Variants in ZNF710 observed in about 807,000 individuals in gnomAD.
ZNF710 encodes the protein zinc finger protein 710.
A neutral mutation model predicts 50.6 loss-of-function variants in ZNF710; 13 were observed. That is an observed-to-expected ratio of 0.26 (90% CI 0.17 to 0.41). ZNF710 has a LOEUF of 0.41. Ranked by LOEUF, ZNF710 falls within the 10% of genes least tolerant of loss-of-function variation. The pLI is 1.00. For missense variants in ZNF710, 721 were observed against 936.6 expected (o/e 0.77, Z 3.01); for synonymous variants, 383 against 397.0 (o/e 0.96, Z 0.42).
intron 1 of ZNF710, among the ~76,000 whole-genome samples, chr15:90,042,368 AG>A (rs1899324261): frequency 6.8e-6 from 1 of 147,938 alleles, no homozygotes; most frequent in Admixed American, 6.8e-5. Flanking sequence ...CCCTCCAGGC[AG>A]CATTAGGTTG....
chr15:90,037,455 G>C (rs1265992616), intron 1 of ZNF710, among the ~76,000 whole-genome samples: 1 of 152,204 alleles, frequency 6.6e-6, no homozygotes, highest in African/African-American at 2.4e-5. Flanking sequence ...CTGGACAGAA[G>C]GAACTAGGGG....
chr15:89,998,904 T>C (rs1383167979), upstream of ZNF710, among the ~76,000 whole-genome samples: 2 of 152,226 alleles, frequency 1.3e-5, no homozygotes, highest in African/African-American at 4.8e-5. Context: ...ACTGAAGTTA[T>C]GTTATTCATT....
rs755310289 is a variant in ZNF710 at position 90,074,099 on chromosome 15, G to C, written c.1651-17G>C. 3 of 1,605,684 alleles carry C rather than the reference G, an allele frequency of 1.9e-6. No individual in the cohort carries two copies. Among genetic ancestry groups the C allele is most frequent in the African/African-American group, 2.7e-5 (2 of 74,530 alleles). On this transcript the variant is annotated splice_polypyrimidine_tract_variant and intron_variant, in intron 3 of 4. Transcript: ENST00000268154. The stretch of plus-strand genomic sequence containing the variant: ...AGGTTCCCCACAGGCTCAGGACACC[G>C]GGTTGATGTGTTCTAGGTGTGCGGG...
intron 1 of ZNF710, among the ~76,000 whole-genome samples, chr15:90,038,192 T>C (rs1899187678): frequency 6.6e-6 from 1 of 151,978 alleles, no homozygotes; most frequent in African/African-American, 2.4e-5. Context: ...AGCAGGCCCC[T>C]CTCTCTATCA....
At chr15:90,026,885 A>G (rs1364968430) in intron 1 of ZNF710, among the ~76,000 whole-genome samples, 3 of 152,198 alleles carry the variant, frequency 2.0e-5, no homozygotes, top group Non-Finnish European at 4.4e-5. Context: ...TAGCATAATA[A>G]AAAATATTTC....
rs1275061826 is a variant in ZNF710, at chr15:90,061,181, G to GT, written c.-28-5923dup. Reference sequence around the variant, plus strand: ...TTATTTCTATACTTTTTTTTGTTTTGTTTTTTGAGACAGGGTTTCACGCCT... The same window carrying GT: ...TTATTTCTATACTTTTTTTTGTTTTGTTTTTTTGAGACAGGGTTTCACGCCT... On this transcript the variant is annotated intron_variant, in intron 1 of 4. Transcript: ENST00000268154. Among the ~76,000 whole-genome samples the GT allele has an allele frequency of 2.6e-5, 4 of 151,664 alleles. No individual in the cohort carries two copies. In the South Asian group the frequency reaches 8.3e-4, roughly 32 times the overall value.
chr15:90,013,725 C>T (rs770411423), intron 1 of ZNF710, among the ~76,000 whole-genome samples: 2 of 152,154 alleles, frequency 1.3e-5, no homozygotes, highest in African/African-American at 2.4e-5. Flanking sequence ...GTCCCATTGT[C>T]GCTATATTGC....
At chr15:90,064,628 C>T (rs1176061767) in intron 1 of ZNF710, among the ~76,000 whole-genome samples, 1 of 152,206 alleles carries the variant, frequency 6.6e-6, no homozygotes, top group East Asian at 1.9e-4. Context: ...GCTGGGATTA[C>T]AGGCACCCAC....
At chr15:90,046,001 C>A (rs1338121643) in intron 1 of ZNF710, among the ~76,000 whole-genome samples, 2 of 152,170 alleles carry the variant, frequency 1.3e-5, no homozygotes, top group African/African-American at 4.8e-5. Context: ...CACTCTGGGT[C>A]CCCCAGGGCC....
upstream of ZNF710, among the ~76,000 whole-genome samples, chr15:90,000,900 G>A (rs766512701): frequency 6.6e-6 from 1 of 152,018 alleles, no homozygotes; most frequent in African/African-American, 2.4e-5. Context: ...CCTTTGTACC[G>A]GACAGGGCCG....
chr15:90,029,482 A>G (rs1311684370), intron 1 of ZNF710, among the ~76,000 whole-genome samples: 3 of 152,240 alleles, frequency 2.0e-5, no homozygotes, highest in Admixed American at 1.3e-4. Context: ...AAACTTGATA[A>G]TAGACCAAGC....
chr15:90,071,612 A>T (rs1170902239), intron 2 of ZNF710, among the ~76,000 whole-genome samples: 2 of 151,902 alleles, frequency 1.3e-5, no homozygotes, highest in African/African-American at 4.8e-5. Context: ...CTACTAAATT[A>T]CTAACTCATC....
At chr15:90,063,684 G>A (rs898742027) in intron 1 of ZNF710, among the ~76,000 whole-genome samples, 6 of 152,186 alleles carry the variant, frequency 3.9e-5, no homozygotes, top group African/African-American at 1.4e-4. Context: ...GGGGCCCGGT[G>A]TGGACGGTCA....
intron 1 of ZNF710, among the ~76,000 whole-genome samples, chr15:90,028,286 T>A (rs1898836513): frequency 6.6e-6 from 1 of 152,194 alleles, no homozygotes; most frequent in Non-Finnish European, 1.5e-5. Flanking sequence ...CACACATCAT[T>A]TCTCCCTTCA....
At chr15:90,039,919 A>G (rs866830372) in intron 1 of ZNF710, among the ~76,000 whole-genome samples, 6 of 151,648 alleles carry the variant, frequency 4.0e-5, no homozygotes, top group South Asian at 2.1e-4. Flanking sequence ...CATCTGTTTC[A>G]TTCTGGACTC....
intron 4 of ZNF710, chr15:90,074,554 G>C: frequency 7.1e-7 from 1 of 1,399,288 alleles, no homozygotes; most frequent in South Asian, 1.2e-5. Context: ...CTAACTGTGT[G>C]CCAGGCCTTT....
intron 1 of ZNF710, among the ~76,000 whole-genome samples, chr15:90,047,583 CTTTTTTCTT>C (rs1567233035): frequency 8.8e-6 from 1 of 114,208 alleles, no homozygotes; most frequent in African/African-American, 5.5e-5. Flanking sequence ...TTTTCTTTTT[CTTTTTTCTT>C]TTTTTTTTTT....
At chr15:90,072,341 A>G (rs182472825) in intron 2 of ZNF710, among the ~76,000 whole-genome samples, 137 of 152,328 alleles carry the variant, frequency 9.0e-4, no homozygotes, top group African/African-American at 3.1e-3. Context: ...GGCCCATCCC[A>G]GGCCCCATGA....
At chr15:90,044,411 A>G (rs1028697320) in intron 1 of ZNF710, among the ~76,000 whole-genome samples, 4 of 152,112 alleles carry the variant, frequency 2.6e-5, no homozygotes, top group Non-Finnish European at 5.9e-5. Context: ...CCGTGTGAAC[A>G]TGACACAGGG....
Sources: allele counts gnomAD v4.1 joint callset (sites outside exome capture counted in the v4.1 genomes callset), GRCh38; gene constraint gnomAD v4.1.1; transcripts MANE v1.5; gene names NCBI Gene and HGNC (gene_info 2026-07-23, HGNC 2026-07-21).